CAMK4: variants seen among roughly 807,000 people sequenced by gnomAD.
CAMK4 encodes calcium/calmodulin-dependent protein kinase type IV.
A neutral mutation model predicts 44.9 loss-of-function variants in CAMK4; 22 were observed. That is an observed-to-expected ratio of 0.49 (90% confidence interval 0.35 to 0.70). CAMK4 has a LOEUF of 0.70. CAMK4 is among the 30% of genes least tolerant of loss of function. CAMK4 has a pLI of 0.01. For missense variants in CAMK4, 498 were observed against 586.8 expected, an observed-to-expected ratio of 0.85 and a Z score of 1.56; for synonymous variants, 218 against 215.4, an observed-to-expected ratio of 1.01 and a Z score of -0.11.
Position 111,424,647 on chromosome 5 carries a change from C to G in CAMK4, c.460-22039C>G, listed in dbSNP as rs1319126027. ...TATTTTTAGTAGAGATGGGGTTTCA[C>G]CATGTTAGCCAGGATGGTCTCGATC... On this transcript the variant is annotated intron_variant, in intron 5 of 10. Coordinates refer to ENST00000282356, the MANE Select transcript of CAMK4 (RefSeq NM_001744.6). Among the ~76,000 whole-genome samples, 6 of 151,564 alleles carry G rather than the reference C, an allele frequency of 4.0e-5. No homozygotes were observed. In the South Asian group the frequency reaches 1.3e-3, roughly 32 times the overall value.
chr5:111,272,835 C>T (rs1750574290), intron 1 of CAMK4, among the ~76,000 whole-genome samples: 1 of 152,060 alleles, frequency 6.6e-6, no homozygotes, highest in Non-Finnish European at 1.5e-5. Context: ...AACTACTTAG[C>T]AATAAGAAAA....
chr5:111,432,674 A>ATATT, intron 5 of CAMK4, among the ~76,000 whole-genome samples: 2 of 148,474 alleles, frequency 1.3e-5, no homozygotes, highest in South Asian at 4.2e-4. Flanking sequence ...ATATATATAT[A>ATATT]TATATATACA....
intron 6 of CAMK4, among the ~76,000 whole-genome samples, chr5:111,448,529 T>G (rs2112976229): frequency 6.6e-6 from 1 of 152,370 alleles, no homozygotes; most frequent in East Asian, 1.9e-4. Flanking sequence ...ATAGCTTGGC[T>G]GGGCGCGGGG....
chr5:111,272,539 G>A (rs894873621), intron 1 of CAMK4, among the ~76,000 whole-genome samples: 13 of 151,966 alleles, frequency 8.6e-5, no homozygotes, highest in African/African-American at 2.9e-4. Context: ...AACTTAAACG[G>A]GATTTAACAT....
intron 2 of CAMK4, among the ~76,000 whole-genome samples, chr5:111,373,435 ATATG>A (rs1561447083): frequency 2.0e-4 from 27 of 134,718 alleles, no homozygotes; most frequent in Non-Finnish European, 4.3e-4. Context: ...AAATATATTT[ATATG>A]TTGCAACCAA....
intron 1 of CAMK4, among the ~76,000 whole-genome samples, chr5:111,245,560 C>T (rs556461738): frequency 2.0e-5 from 3 of 152,194 alleles, no homozygotes; most frequent in Non-Finnish European, 4.4e-5. Context: ...TTCTCTCAAA[C>T]AGCTCTACTT....
intron 1 of CAMK4, among the ~76,000 whole-genome samples, chr5:111,232,194 A>G (rs903173150): frequency 6.6e-6 from 1 of 152,162 alleles, no homozygotes; most frequent in African/African-American, 2.4e-5. Flanking sequence ...TGATAAATCA[A>G]TATTTGGCCT....
chr5:111,381,879 A>G (rs1218495362), intron 4 of CAMK4, among the ~76,000 whole-genome samples: 1 of 152,104 alleles, frequency 6.6e-6, no homozygotes, highest in Non-Finnish European at 1.5e-5. Flanking sequence ...AAGTCAGCCT[A>G]TTTGAGCAAG....
chr5:111,240,383 C>T (rs1469442), intron 1 of CAMK4, among the ~76,000 whole-genome samples: 76,036 of 151,628 alleles, frequency 0.5, 19,391 homozygotes, highest in Non-Finnish European at 0.54. Flanking sequence ...TAAAACAATA[C>T]ATCACATGGA....
chr5:111,322,212 C>G (rs769312656), intron 1 of CAMK4, among the ~76,000 whole-genome samples: 12 of 151,808 alleles, frequency 7.9e-5, no homozygotes, highest in African/African-American at 2.9e-4. Flanking sequence ...TTTTTTGAGA[C>G]GAAGTAGAAA....
At chr5:111,297,973 G>A (rs531506062) in intron 1 of CAMK4, among the ~76,000 whole-genome samples, 1 of 152,232 alleles carries the variant, frequency 6.6e-6, no homozygotes, top group South Asian at 2.1e-4. Flanking sequence ...ATAGTAAATG[G>A]CATCTGCTAA....
At chr5:111,228,514 G>A (rs1017588708) in intron 1 of CAMK4, among the ~76,000 whole-genome samples, 5 of 126,960 alleles carry the variant, frequency 3.9e-5, no homozygotes, top group African/African-American at 9.7e-5. Context: ...TAAGGGGTGT[G>A]TGTGTGTGTG....
intron 4 of CAMK4, among the ~76,000 whole-genome samples, chr5:111,386,834 C>A (rs1157212281): frequency 6.6e-6 from 1 of 152,238 alleles, no homozygotes; most frequent in African/African-American, 2.4e-5. Context: ...GTGCTTCCTT[C>A]CCAGATCTCC....
At chr5:111,249,288 A>G (rs1373428731) in intron 1 of CAMK4, among the ~76,000 whole-genome samples, 4 of 152,118 alleles carry the variant, frequency 2.6e-5, no homozygotes, top group Non-Finnish European at 5.9e-5. Flanking sequence ...TTCCAAGAAC[A>G]TAGATGATCT....
intron 1 of CAMK4, among the ~76,000 whole-genome samples, chr5:111,284,689 A>G (rs1751171635): frequency 6.6e-6 from 1 of 152,198 alleles, no homozygotes; most frequent in African/African-American, 2.4e-5. Context: ...GTCCAAAGGA[A>G]GGGAGAGCTA....
chr5:111,284,951 CTG>C (rs1168091174), intron 1 of CAMK4, among the ~76,000 whole-genome samples: 5 of 152,168 alleles, frequency 3.3e-5, no homozygotes, highest in Non-Finnish European at 7.3e-5. Context: ...TGGAACCTAA[CTG>C]TAAATCAGCA....
chr5:111,401,632 A>G (rs1752231732), intron 5 of CAMK4, among the ~76,000 whole-genome samples: 1 of 152,208 alleles, frequency 6.6e-6, no homozygotes, highest in African/African-American at 2.4e-5. Flanking sequence ...CACTCTCTAA[A>G]ACAGAAACAG....
At chr5:111,429,637 A>T (rs1252664546) in intron 5 of CAMK4, among the ~76,000 whole-genome samples, 2 of 151,822 alleles carry the variant, frequency 1.3e-5, no homozygotes, top group South Asian at 4.2e-4. Context: ...TCAGCCAGGC[A>T]TGGTGGTGTG....
intron 8 of CAMK4, among the ~76,000 whole-genome samples, chr5:111,476,271 T>TTGTGTG (rs59191685): frequency 0.021 from 2,612 of 127,336 alleles, 79 homozygotes; most frequent in African/African-American, 0.069. Flanking sequence ...GTGTGTGTGT[T>TTGTGTG]TGTGTGTGTG....
Sources: gnomAD v4.1 joint callset for allele counts (sites outside exome capture counted in the v4.1 genomes callset) on GRCh38, gnomAD v4.1.1 for gene constraint, MANE v1.5 for transcripts, NCBI Gene and HGNC (gene_info 2026-07-23, HGNC 2026-07-21) for gene names.